FAM131B: variants seen among roughly 807,000 people sequenced by gnomAD.
The protein encoded by FAM131B is protein FAM131B.
Under a neutral mutation model 42.0 loss-of-function variants are expected in FAM131B, and 19 were observed. The ratio of observed to expected loss-of-function variants is 0.45; its 90% CI spans 0.32 to 0.66. FAM131B has a LOEUF of 0.66. Among genes scored for constraint, FAM131B ranks in the 30% least tolerant of loss-of-function variants. The pLI is 0.05. For missense variants in FAM131B, 370 were observed against 468.4 expected (o/e 0.79, Z 1.94); for synonymous variants, 183 against 177.6 (o/e 1.03, Z -0.24).
the FAM131B span, among the ~76,000 whole-genome samples, chr7:143,372,396 G>A: frequency 6.6e-5 from 10 of 152,208 alleles, no homozygotes; most frequent in Admixed American, 3.3e-4. Context: ...TGAATGGCAA[G>A]TTCCAGTGGG....
chr7:143,359,480 A>C lies in FAM131B; in HGVS notation c.175-61T>G. Reference sequence around the variant, plus strand: ...AAGAAGGTACGGGCGTGCTTTATACATGGAGGAGGTTCATGGTTTCCAGGA... The same window carrying C: ...AAGAAGGTACGGGCGTGCTTTATACCTGGAGGAGGTTCATGGTTTCCAGGA... On this transcript the variant is annotated intron_variant, in intron 3 of 6. Transcript: ENST00000443739. The surrounding 1 kb of genome is among the most constrained non-coding windows in gnomAD (Gnocchi z 5.4). 1 of 1,304,022 alleles carries C rather than the reference A, an allele frequency of 7.7e-7. No homozygotes were observed. The highest frequency in any genetic ancestry group is 1.4e-5 in the African/African-American group (1 of 69,300). 80.8% of individuals were successfully genotyped at this position (1,304,022 alleles called of 1,614,324 possible).
chr7:143,376,932 A>G, the FAM131B span, among the ~76,000 whole-genome samples: 1 of 152,156 alleles, frequency 6.6e-6, no homozygotes, highest in Non-Finnish European at 1.5e-5. Flanking sequence ...GTCCTCCTCA[A>G]TCTACTCCCT....
At chr7:143,371,228 T>C in the FAM131B span, among the ~76,000 whole-genome samples, 1 of 152,094 alleles carries the variant, frequency 6.6e-6, no homozygotes, top group African/African-American at 2.4e-5. Flanking sequence ...GAAACAGCAA[T>C]ACAACAATTA....
intron 1 of FAM131B, chr7:143,360,908 G>C (rs1803934386): frequency 6.6e-6 from 1 of 152,186 alleles, no homozygotes; most frequent in Non-Finnish European, 1.5e-5. Flanking sequence ...GAGGGTCCTT[G>C]TTACAGCCGG....
the FAM131B span, chr7:143,380,765 C>T: frequency 1.0e-6 from 1 of 985,392 alleles, no homozygotes; most frequent in African/African-American, 1.7e-5. The surrounding 1 kb of genome is among the most constrained non-coding windows in gnomAD (Gnocchi z 5.0). Flanking sequence ...GGAGAACGCC[C>T]CGCTCCTCAC....
chr7:143,381,540 C>A, the FAM131B span: 1 of 1,597,688 alleles, frequency 6.3e-7, no homozygotes, highest in Non-Finnish European at 8.5e-7. Flanking sequence ...GCTGCGTAAC[C>A]CGGCGACCCA....
chr7:143,372,325 T>A, the FAM131B span, among the ~76,000 whole-genome samples: 1 of 152,168 alleles, frequency 6.6e-6, no homozygotes, highest in Non-Finnish European at 1.5e-5. Flanking sequence ...CACAGGAAGT[T>A]GAGACAGATG....
the FAM131B span, chr7:143,382,296 A>T: frequency 2.5e-6 from 4 of 1,612,678 alleles, no homozygotes; most frequent in Non-Finnish European, 3.4e-6. Context: ...GACGATGCAG[A>T]GGGTGCTCTG....
At chr7:143,372,925 A>G in the FAM131B span, among the ~76,000 whole-genome samples, 13 of 152,108 alleles carry the variant, frequency 8.5e-5, no homozygotes, top group South Asian at 8.3e-4. Flanking sequence ...GTGCCACTGC[A>G]CTCCAGCCTG....
At position 143,362,117 on chromosome 7, in the gene FAM131B, G is replaced by C. The variant is rs891981833; in HGVS notation, c.28+459C>G. The C allele has an allele frequency of 3.4e-6, 3 of 894,878 alleles. 1 individual carries two copies. The highest frequency in any genetic ancestry group is 3.6e-5 in the African/African-American group (2 of 55,402). The allele number at this position is 894,878 out of a possible 1,614,324, so 55.4% of individuals were successfully genotyped here. A position where few individuals can be genotyped will look rare whatever the true frequency, so the allele number is the denominator to read the frequency against. The stretch of plus-strand genomic sequence containing the variant: ...CCCGAGCCAGATGGAGGCGGCGGCG[G>C]GGGGTGGCGTGGGGGGCGTGCGAAA... On this transcript the variant is annotated intron_variant, in intron 1 of 6. Coordinates refer to ENST00000443739, the MANE Select transcript of FAM131B (RefSeq NM_001031690.3). The surrounding 1 kb of genome is among the most constrained non-coding windows in gnomAD (Gnocchi z 7.7).
At chr7:143,368,250 T>G in the FAM131B span, among the ~76,000 whole-genome samples, 1 of 152,144 alleles carries the variant, frequency 6.6e-6, no homozygotes, top group Non-Finnish European at 1.5e-5. Flanking sequence ...TAGTAAAAAA[T>G]GGAGTTCATA....
In FAM131B at chr7:143,358,853, C is replaced by T. The variant is rs760939326; in HGVS notation, c.440G>A (p.Gly147Asp). The change falls in exon 5 of 7, where the codon GGC becomes GAC. Residue 147 changes from glycine (G) to aspartate (D), a missense_variant. Gly to Asp is a moderately conservative substitution (Grantham distance 94). Coordinates refer to ENST00000443739, the MANE Select transcript of FAM131B (RefSeq NM_001031690.3). The surrounding 1 kb of genome is among the most constrained non-coding windows in gnomAD (Gnocchi z 4.7). ...DTDAYSDLSD[G>D]EKEARFLAGV... is the part of the protein sequence containing the mutation. ...TGCTAGAAAACGTGCCTCCTTCTCG[C>T]CATCGCTGAGGTCGGAGTAGGCATC... 3 of 1,614,170 alleles carry T rather than the reference C, an allele frequency of 1.9e-6. No homozygotes were observed. Among genetic ancestry groups the T allele is most frequent in the Non-Finnish European group, 2.5e-6 (3 of 1,180,040 alleles).
At chr7:143,370,223 TC>T in the FAM131B span, among the ~76,000 whole-genome samples, 1 of 152,150 alleles carries the variant, frequency 6.6e-6, no homozygotes, top group South Asian at 2.1e-4. Flanking sequence ...TTCCTGGAGC[TC>T]TAGTTTCTCT....
At position 143,353,898 on chromosome 7, in the gene FAM131B, CA is replaced by C. The variant is rs1803537556; in HGVS notation, c.*2651del. On this transcript the variant is annotated 3_prime_UTR_variant, in exon 7 of 7. Transcript: ENST00000443739. ...CCTCCAAAAAAAGAAAATCATTTAG[CA>C]AGAGCAGTTTCATTCACAAGAATAT... 4 of 149,296 alleles carry C rather than the reference CA, an allele frequency of 2.7e-5. 1 individual carries two copies. The Admixed American group carries it at 2.7e-4, about 10-fold the overall frequency. The allele number at this position is 149,296 out of a possible 1,614,324, so 9.2% of individuals were successfully genotyped here. A position where few individuals can be genotyped will look rare whatever the true frequency, so the allele number is the denominator to read the frequency against.
At chr7:143,368,219 A>G in the FAM131B span, among the ~76,000 whole-genome samples, 1 of 152,238 alleles carries the variant, frequency 6.6e-6, no homozygotes, top group African/African-American at 2.4e-5. Context: ...CTGGGCAACC[A>G]TGAGTCAGAG....
At chr7:143,363,473 C>G (rs1266416008), upstream of FAM131B, among the ~76,000 whole-genome samples, 2 of 152,082 alleles carry the variant, frequency 1.3e-5, no homozygotes, top group African/African-American at 4.8e-5. Context: ...TTTTCTGAGA[C>G]GTGATCTTCT....
At chr7:143,380,283 C>T in the FAM131B span, 18 of 984,740 alleles carry the variant, frequency 1.8e-5, no homozygotes, top group Non-Finnish European at 2.0e-5. This position sits in a 1 kb window ranked among gnomAD's most constrained non-coding sequence, Gnocchi z 5.0. Context: ...TGGCTTCTTT[C>T]GTGTAGCCTG....
chr7:143,380,689 A>G, the FAM131B span: 3 of 985,184 alleles, frequency 3.0e-6, no homozygotes, highest in Non-Finnish European at 3.6e-6. This position sits in a 1 kb window ranked among gnomAD's most constrained non-coding sequence, Gnocchi z 5.0. Flanking sequence ...CGTATCCCCA[A>G]GAATGCTGGA....
In FAM131B at chr7:143,359,020, G is replaced by C; in HGVS notation, c.273C>G (p.Ile91Met). 1 of 1,613,482 alleles carries C rather than the reference G, an allele frequency of 6.2e-7. No individual in the cohort carries two copies. Among genetic ancestry groups the C allele is most frequent in the Admixed American group, 1.7e-5 (1 of 59,982 alleles). The change falls in exon 5 of 7, where the codon ATC becomes ATG. Residue 91 changes from isoleucine (I) to methionine (M), a missense_variant. Physicochemically the swap from Ile to Met is conservative, Grantham distance 10. Coordinates refer to ENST00000443739, the MANE Select transcript of FAM131B (RefSeq NM_001031690.3). The surrounding 1 kb of genome is among the most constrained non-coding windows in gnomAD (Gnocchi z 5.4). The stretch of plus-strand genomic sequence containing the variant: ...TCACATGGTCCTTCATGCTCCGTGA[G>C]ATCCCTATGGGGCCAGACATTTCCC... Reference protein sequence around the residue: ...GALAKSSFSGISRSMKDHVTK... With the variant: ...GALAKSSFSGMSRSMKDHVTK...
Sources: allele counts gnomAD v4.1 joint callset (sites outside exome capture counted in the v4.1 genomes callset), GRCh38; gene constraint gnomAD v4.1.1; non-coding constraint Gnocchi (gnomAD v3.1); transcripts MANE v1.5; gene names NCBI Gene and HGNC (gene_info 2026-07-23, HGNC 2026-07-21).